Variants in PODXL observed in about 807,000 individuals in gnomAD.
PODXL encodes the protein podocalyxin.
PODXL carries 20 observed loss-of-function variants against 48.9 expected under a neutral mutation model. The ratio of observed to expected loss-of-function variants is 0.41; its 90% CI spans 0.29 to 0.59. The LOEUF is 0.59. Ranked by LOEUF, PODXL falls within the 20% of genes least tolerant of loss-of-function variation. PODXL has a pLI of 0.31. For missense variants in PODXL, 606 were observed against 675.1 expected (o/e 0.90, Z 1.13); for synonymous variants, 295 against 287.4 (o/e 1.03, Z -0.27).
rs777347469 is a variant in PODXL, at chr7:131,501,948, A to G, written c.*2363T>C. 3.3e-5 allele frequency: 5 copies of G among 152,278 alleles called. No individual in the cohort carries two copies. Among genetic ancestry groups the G allele is most frequent in the Non-Finnish European group, 7.3e-5 (5 of 68,084 alleles). 9.4% of individuals were successfully genotyped at this position (152,278 alleles called of 1,614,324 possible). On this transcript the variant is annotated 3_prime_UTR_variant, in exon 9 of 9. Transcript: ENST00000378555. ...AAAGCAGTAACCTCTGAATCAGCCC[A>G]GAGCCTCTCCGGGTTCTCCTTGGAC... is the stretch of plus-strand genomic sequence containing the variant.
In PODXL at chr7:131,510,910, A is replaced by G; in HGVS notation, c.624T>C (p.His208=). Residue 208 remains histidine (H), a synonymous_variant, in exon 2 of 9, where the codon CAT becomes CAC. Transcript: ENST00000378555. ...TTGAACTGCTTGAAATTTTCATAAG[A>G]TGGTCATGTCCCGAGCTTGTTGGGG... ...VATPTSSGHD[H]LMKISSSSST... The G allele has an allele frequency of 6.2e-7, 1 of 1,614,014 alleles. No homozygotes were observed. Among genetic ancestry groups the G allele is most frequent in the Non-Finnish European group, 8.5e-7 (1 of 1,180,002 alleles).
intron 5 of PODXL, among the ~76,000 whole-genome samples, chr7:131,508,421 G>T (rs534731951): frequency 1.3e-5 from 2 of 152,262 alleles, no homozygotes; most frequent in South Asian, 4.1e-4. Flanking sequence ...ATTTTCTCTT[G>T]CTTTTCTTTT....
At chr7:131,527,564 C>T (rs1798207320) in intron 1 of PODXL, among the ~76,000 whole-genome samples, 1 of 152,196 alleles carries the variant, frequency 6.6e-6, no homozygotes, top group Non-Finnish European at 1.5e-5. Context: ...CCCTGGCAAC[C>T]ACCATGTGCA....
intron 1 of PODXL, among the ~76,000 whole-genome samples, chr7:131,531,081 G>A (rs1015659471): frequency 2.6e-5 from 4 of 152,126 alleles, no homozygotes; most frequent in South Asian, 2.1e-4. Flanking sequence ...AAGTCAGTAC[G>A]CTTAATTCCC....
chr7:131,510,470 A>C, intron 2 of PODXL, 139 bp from the exon 3 acceptor site: 1 of 280,716 alleles, frequency 3.6e-6, no homozygotes, highest in Non-Finnish European at 6.9e-6. Flanking sequence ...AGATCATGCC[A>C]CCGCACTCCA....
At chr7:131,532,612 C>T (rs1798301178) in intron 1 of PODXL, among the ~76,000 whole-genome samples, 1 of 151,816 alleles carries the variant, frequency 6.6e-6, no homozygotes, top group Non-Finnish European at 1.5e-5. Flanking sequence ...CTAAATGGTC[C>T]CCTGCTTGGG....
At chr7:131,505,504 G>A (rs895358194) in intron 8 of PODXL, among the ~76,000 whole-genome samples, 2 of 152,040 alleles carry the variant, frequency 1.3e-5, no homozygotes, top group South Asian at 2.1e-4. Context: ...AAAATTAGGC[G>A]GGCGTGGTGG....
intron 1 of PODXL, among the ~76,000 whole-genome samples, chr7:131,546,314 A>G (rs1169180077): frequency 6.6e-6 from 1 of 152,138 alleles, no homozygotes; most frequent in East Asian, 1.9e-4. Context: ...TGATTACCCA[A>G]TCACAAGCGC....
At chr7:131,510,451 A>G (rs980486710) in intron 2 of PODXL, 120 bp from the exon 3 acceptor site, 8 of 282,278 alleles carry the variant, frequency 2.8e-5, no homozygotes, top group Admixed American at 1.0e-4. Context: ...TGGAGGTTGC[A>G]GTGAGCAGAG....
Position 131,504,082 on chromosome 7 carries a change from C to A in PODXL, c.*229G>T, listed in dbSNP as rs1046452068. The A allele has an allele frequency of 5.3e-6, 3 of 569,150 alleles. No individual in the cohort carries two copies. The African/African-American group carries it at 5.6e-5, about 11-fold the overall frequency. 35.3% of individuals were successfully genotyped at this position (569,150 alleles called of 1,614,324 possible). On this transcript the variant is annotated 3_prime_UTR_variant, in exon 9 of 9. Transcript: ENST00000378555. ...GCTTTTTCTTGATCTCCCTCATCAT[C>A]CAGCAGCACTGAGCTCAGGCACTAG...
At chr7:131,510,699 T>C (rs549153625) in intron 2 of PODXL, 129 bp downstream of exon 2, 81 of 1,050,670 alleles carry the variant, frequency 7.7e-5, no homozygotes, top group Admixed American at 3.9e-4. Flanking sequence ...CTCGAACTCC[T>C]GACCTCAGGT....
chr7:131,539,622 G>A (rs927893078), intron 1 of PODXL, among the ~76,000 whole-genome samples: 15 of 152,292 alleles, frequency 9.8e-5, no homozygotes, highest in African/African-American at 2.4e-4. Context: ...CCCAGTCCCC[G>A]AAATGTAAAA....
rs1330676567 is a variant in PODXL at position 131,504,363 on chromosome 7, A to G, written c.1625T>C (p.Leu542Pro). Residue 542 changes from leucine (L) to proline (P), a missense_variant, in exon 9 of 9, where the codon CTG (leucine) becomes CCG (proline). Coordinates refer to ENST00000378555, the MANE Select transcript of PODXL (RefSeq NM_001018111.3). ...GELGDSWIVP[L>P]DNLTKDDLDE... ...CAGGTCGTCCTTGGTCAGGTTGTCC[A>G]GAGGGACGATCCAGCTGTCCCCCAG... is the stretch of plus-strand genomic sequence containing the variant. The G allele has an allele frequency of 6.2e-7, 1 of 1,614,190 alleles. No homozygotes were observed. The highest frequency in any genetic ancestry group is 2.2e-5 in the East Asian group (1 of 44,884).
At chr7:131,530,515 C>T (rs1026606375) in intron 1 of PODXL, among the ~76,000 whole-genome samples, 35 of 151,942 alleles carry the variant, frequency 2.3e-4, no homozygotes, top group Admixed American at 3.3e-4. Context: ...GAAGCCAAGG[C>T]GGGAGAATCA....
At chr7:131,518,789 C>T (rs767584117) in intron 1 of PODXL, among the ~76,000 whole-genome samples, 17 of 152,294 alleles carry the variant, frequency 1.1e-4, no homozygotes, top group South Asian at 2.1e-4. Context: ...GGAGGGCACA[C>T]GCAGGTCCAG....
At chr7:131,524,577 T>A (rs1798150910) in intron 1 of PODXL, among the ~76,000 whole-genome samples, 1 of 152,194 alleles carries the variant, frequency 6.6e-6, no homozygotes, top group Non-Finnish European at 1.5e-5. Context: ...CACCATTACA[T>A]ACCTATTGGA....
In PODXL at chr7:131,525,066, G is replaced by A. The variant is rs190200352; in HGVS notation, c.101-13633C>T. Among the ~76,000 whole-genome samples the A allele has an allele frequency of 2.2e-3, 335 of 152,228 alleles. 1 individual carries two copies. The highest frequency in any genetic ancestry group is 7.4e-3 in the African/African-American group (309 of 41,536). On this transcript the variant is annotated intron_variant, in intron 1 of 8. Transcript: ENST00000378555. ...AGAAAACAGATAGGTAGACACCAGAGGTTGAGGGAACTGGGAGGAGCAGAC... is the reference window on the plus strand; with the variant it reads ...AGAAAACAGATAGGTAGACACCAGAAGTTGAGGGAACTGGGAGGAGCAGAC...
At chr7:131,528,626 T>C (rs1310301027) in intron 1 of PODXL, among the ~76,000 whole-genome samples, 2 of 152,210 alleles carry the variant, frequency 1.3e-5, no homozygotes, top group Non-Finnish European at 2.9e-5. Context: ...GATTGTCAAG[T>C]AGTATTTGGT....
chr7:131,544,411 AG>A (rs1798530553), intron 1 of PODXL, among the ~76,000 whole-genome samples: 1 of 152,222 alleles, frequency 6.6e-6, no homozygotes, highest in South Asian at 2.1e-4. Context: ...TAATCCCCAT[AG>A]GATGCCGTGG....
Sources: gnomAD v4.1 joint callset for allele counts (sites outside exome capture counted in the v4.1 genomes callset) on GRCh38, gnomAD v4.1.1 for gene constraint, MANE v1.5 for transcripts, NCBI Gene and HGNC (gene_info 2026-07-23, HGNC 2026-07-21) for gene names.